Variants in CCDC178 observed in about 807,000 individuals in gnomAD.
The protein encoded by CCDC178 is coiled-coil domain-containing protein 178.
Under a neutral mutation model 117.4 loss-of-function variants are expected in CCDC178, and 126 were observed. The observed-to-expected ratio is 1.07, with a 90% CI of 0.93 to 1.24. The LOEUF is 1.24. CCDC178 is among the 50% of genes most tolerant of loss of function. The pLI, the probability that CCDC178 is intolerant of heterozygous loss-of-function variation, is 0.00. For synonymous variants in CCDC178, 283 were observed against 313.4 expected (o/e 0.90, Z 1.02); for missense variants, 1,030 against 986.9 (o/e 1.04, Z -0.59).
At chr18:33,068,962 T>C (rs2057065300) in intron 21 of CCDC178, among the ~76,000 whole-genome samples, 1 of 152,054 alleles carries the variant, frequency 6.6e-6, no homozygotes, top group South Asian at 2.1e-4. Flanking sequence ...ATAAATGAAC[T>C]CAGTAAGTTG....
chr18:33,224,227 C>A lies in CCDC178; in HGVS notation c.1818+548G>T, dbSNP rs2059273447. On this transcript the variant is annotated intron_variant, in intron 17 of 22. Coordinates refer to ENST00000383096, the MANE Select transcript of CCDC178 (RefSeq NM_001105528.4). ...ACAAGAATGTATAACTCTTGCCACACCCTCTAGTTCTCCAAAAGACTAATG... is the reference window on the plus strand; with the variant it reads ...ACAAGAATGTATAACTCTTGCCACAACCTCTAGTTCTCCAAAAGACTAATG... Among the ~76,000 whole-genome samples, 4 of 152,142 alleles carry A rather than the reference C, an allele frequency of 2.6e-5. 1 individual carries two copies. The highest frequency in any genetic ancestry group is 4.1e-4 in the South Asian group (2 of 4,832).
In CCDC178 at chr18:33,379,149, TAATATATATATTTCCATATATATAA is replaced by T. The variant is rs1338475446; in HGVS notation, c.209-8985_209-8961del. Among the ~76,000 whole-genome samples, 452 of 104,582 alleles carry T rather than the reference TAATATATATATTTCCATATATATAA, an allele frequency of 4.3e-3. 7 individuals carry two copies. The highest frequency in any genetic ancestry group is 0.014 in the African/African-American group (428 of 31,164). 68.6% of individuals were successfully genotyped at this position (104,582 alleles called of 152,430 possible). A position where few individuals can be genotyped will look rare whatever the true frequency, so the allele number is the denominator to read the frequency against. On this transcript the variant is annotated intron_variant, in intron 5 of 22. Transcript: ENST00000383096. The stretch of plus-strand genomic sequence containing the variant: ...TAATATATATATTTCCATATATATA[TAATATATATATTTCCATATATATAA>T]TATATATATTTCCATATATATAATA...
At chr18:33,025,897 T>G (rs1407193094) in intron 21 of CCDC178, among the ~76,000 whole-genome samples, 1 of 152,124 alleles carries the variant, frequency 6.6e-6, no homozygotes, top group East Asian at 1.9e-4. Flanking sequence ...AAGTGACATG[T>G]TCACACAAAA....
At chr18:33,388,877 C>G (rs1396905391) in intron 5 of CCDC178, among the ~76,000 whole-genome samples, 1 of 151,950 alleles carries the variant, frequency 6.6e-6, no homozygotes, top group Non-Finnish European at 1.5e-5. Flanking sequence ...CCTCAGCAAA[C>G]TAACGCAGGA....
chr18:33,176,186 A>G (rs2058662895), intron 20 of CCDC178, among the ~76,000 whole-genome samples: 1 of 152,124 alleles, frequency 6.6e-6, no homozygotes, highest in South Asian at 2.1e-4. Context: ...TTTGCTAAAG[A>G]CTTCTTTACA....
intron 12 of CCDC178, among the ~76,000 whole-genome samples, chr18:33,275,052 G>C (rs1186749333): frequency 4.6e-5 from 7 of 152,066 alleles, no homozygotes; most frequent in Non-Finnish European, 7.4e-5. Context: ...AAATCAAATA[G>C]TATGCCATTA....
At chr18:33,087,118 C>A (rs2057391573) in intron 21 of CCDC178, among the ~76,000 whole-genome samples, 1 of 152,000 alleles carries the variant, frequency 6.6e-6, no homozygotes, top group South Asian at 2.1e-4. Context: ...CAATAAATCA[C>A]TCTTAAGGTG....
At position 32,988,114 on chromosome 18, in the gene CCDC178, A is replaced by C. The variant is rs894993396; in HGVS notation, c.2389-13433T>G. Among the ~76,000 whole-genome samples, 37 of 131,012 alleles carry C rather than the reference A, an allele frequency of 2.8e-4. No individual in the cohort carries two copies. The Admixed American group carries it at 2.9e-3, about 10-fold the overall frequency. The allele number at this position is 131,012 out of a possible 152,430, so 85.9% of individuals were successfully genotyped here. On this transcript the variant is annotated intron_variant, in intron 21 of 22. Transcript: ENST00000383096. ...AATAATAATAATAATAATAATAATA[A>C]TAATAAATTTATCAAAATTAATCAT... is the stretch of plus-strand genomic sequence containing the variant.
chr18:33,033,271 G>A (rs35542389), intron 21 of CCDC178, among the ~76,000 whole-genome samples: 1 of 152,066 alleles, frequency 6.6e-6, no homozygotes, highest in East Asian at 1.9e-4. Flanking sequence ...GTAGAGTTCA[G>A]GAAGTATCTT....
intron 20 of CCDC178, among the ~76,000 whole-genome samples, chr18:33,107,491 C>G (rs946408025): frequency 9.9e-5 from 15 of 151,616 alleles, no homozygotes; most frequent in Admixed American, 5.9e-4. Context: ...AGATAAAAAT[C>G]CCAAAAGTCT....
At chr18:33,030,544 G>C (rs28775923) in intron 21 of CCDC178, among the ~76,000 whole-genome samples, 3 of 122,364 alleles carry the variant, frequency 2.5e-5, no homozygotes, top group African/African-American at 7.9e-5. Flanking sequence ...TAGATAGATA[G>C]ATAGATAGAT....
chr18:33,152,927 G>A (rs1267432083), intron 20 of CCDC178, among the ~76,000 whole-genome samples: 1 of 151,554 alleles, frequency 6.6e-6, no homozygotes, highest in Non-Finnish European at 1.5e-5. Flanking sequence ...CAGCAAAAAT[G>A]AGCAACAAGT....
At chr18:32,944,967 AT>A (rs201767763) in intron 22 of CCDC178, among the ~76,000 whole-genome samples, 18 of 151,266 alleles carry the variant, frequency 1.2e-4, no homozygotes, top group African/African-American at 2.7e-4. Context: ...TTCATTAAAC[AT>A]TTTTTTTTCC....
chr18:33,096,941 C>T lies in CCDC178; in HGVS notation c.2239-4031G>A, dbSNP rs190208032. Among the ~76,000 whole-genome samples, 383 of 152,116 alleles carry T rather than the reference C, an allele frequency of 2.5e-3. 3 individuals are homozygous for T. The highest frequency in any genetic ancestry group is 9.0e-3 in the African/African-American group (372 of 41,518). ...TGATCTGAGACTTTATATTATTATC[C>T]GCATGTCACAGGTAAGAAAGACAAG... On this transcript the variant is annotated intron_variant, in intron 20 of 22. Coordinates refer to ENST00000383096, the MANE Select transcript of CCDC178 (RefSeq NM_001105528.4).
intron 12 of CCDC178, among the ~76,000 whole-genome samples, chr18:33,275,321 ATACT>A (rs2059934850): frequency 1.3e-5 from 2 of 152,104 alleles, no homozygotes; most frequent in South Asian, 4.2e-4. Context: ...TTTGAAAAAC[ATACT>A]TAGTTCTAAT....
chr18:33,206,560 C>A (rs1361546875), intron 20 of CCDC178, among the ~76,000 whole-genome samples: 1 of 151,886 alleles, frequency 6.6e-6, no homozygotes, highest in Non-Finnish European at 1.5e-5. Context: ...ATTTCATATA[C>A]CTTAATGATA....
At chr18:33,016,305 T>C (rs897386128) in intron 21 of CCDC178, among the ~76,000 whole-genome samples, 1 of 152,068 alleles carries the variant, frequency 6.6e-6, no homozygotes, top group Non-Finnish European at 1.5e-5. Context: ...AGTTAAGACA[T>C]TCCCAGATCA....
chr18:33,049,848 C>T (rs907130953), intron 21 of CCDC178, among the ~76,000 whole-genome samples: 12 of 151,424 alleles, frequency 7.9e-5, no homozygotes, highest in South Asian at 2.1e-4. Context: ...TTTGGGAGGC[C>T]GAGGGGGGTG....
intron 20 of CCDC178, among the ~76,000 whole-genome samples, chr18:33,191,781 CGA>C (rs2058861249): frequency 6.6e-6 from 1 of 151,716 alleles, no homozygotes; most frequent in African/African-American, 2.4e-5. Context: ...GAAAATAAAA[CGA>C]GAGACAGACA....
Sources: allele counts gnomAD v4.1 joint callset (sites outside exome capture counted in the v4.1 genomes callset), GRCh38; gene constraint gnomAD v4.1.1; transcripts MANE v1.5; gene names NCBI Gene and HGNC (gene_info 2026-07-23, HGNC 2026-07-21).